The following MTMR7 variants were observed in gnomAD, a reference collection of about 807,000 sequenced individuals.
The protein encoded by MTMR7 is myotubularin related protein 7.
A neutral mutation model predicts 81.2 loss-of-function variants in MTMR7; 76 were observed. The ratio of observed to expected loss-of-function variants is 0.94; its 90% CI spans 0.78 to 1.13. MTMR7 has a LOEUF of 1.13. Among genes scored for constraint, MTMR7 ranks in the 50% most tolerant of loss-of-function variants. The pLI, the probability that MTMR7 is intolerant of heterozygous loss-of-function variation, is 0.00. For missense variants in MTMR7, 1,044 were observed against 820.0 expected (o/e 1.27, Z -3.34); for synonymous variants, 372 against 289.8 (o/e 1.28, Z -2.88).
intron 1 of MTMR7, among the ~76,000 whole-genome samples, chr8:17,410,298 A>G (rs1423357981): frequency 6.6e-6 from 1 of 152,212 alleles, no homozygotes; most frequent in East Asian, 1.9e-4. Flanking sequence ...CAGAAAGACC[A>G]AAGCATATAA....
intron 6 of MTMR7, among the ~76,000 whole-genome samples, chr8:17,335,074 C>A (rs936850643): frequency 5.9e-5 from 9 of 152,154 alleles, no homozygotes; most frequent in Admixed American, 5.2e-4. Context: ...GAGAGCAACT[C>A]CAGGATTTTG....
At chr8:17,309,390 C>T in intron 9 of MTMR7, 64 bp from the exon 10 acceptor site, 1 of 1,127,144 alleles carries the variant, frequency 8.9e-7, no homozygotes, top group Admixed American at 2.0e-5. Flanking sequence ...ACCACACAAC[C>T]AATAATGTTG....
intron 6 of MTMR7, chr8:17,339,080 C>G (rs146868046): frequency 6.6e-6 from 1 of 152,138 alleles, no homozygotes; most frequent in Non-Finnish European, 1.5e-5. Context: ...ATCACCAAGG[C>G]CTGAGTATCC....
chr8:17,302,353 G>C, intron 12 of MTMR7, 73 bp from the exon 13 acceptor site: 11 of 1,502,410 alleles, frequency 7.3e-6, no homozygotes, highest in Non-Finnish European at 9.8e-6. Flanking sequence ...AGTCTTCTAA[G>C]GTATCTATGA....
intron 4 of MTMR7, among the ~76,000 whole-genome samples, chr8:17,353,003 C>A (rs1784908704): frequency 6.6e-6 from 1 of 152,190 alleles, no homozygotes; most frequent in South Asian, 2.1e-4. Context: ...ACAACCATAT[C>A]CGCAGAGCAT....
intron 1 of MTMR7, among the ~76,000 whole-genome samples, chr8:17,408,108 AGG>A (rs1821640380): frequency 1.5e-5 from 1 of 64,590 alleles, no homozygotes; most frequent in Non-Finnish European, 4.9e-5. Flanking sequence ...CATCATGGAG[AGG>A]CCGGGCGCGG....
chr8:17,305,092 C>T (rs2150470152), intron 11 of MTMR7, among the ~76,000 whole-genome samples: 1 of 152,310 alleles, frequency 6.6e-6, no homozygotes, highest in South Asian at 2.1e-4. Context: ...TGGAATCACA[C>T]TTGAGCTTCC....
intron 10 of MTMR7, among the ~76,000 whole-genome samples, chr8:17,308,763 C>T (rs771613275): frequency 2.0e-5 from 3 of 152,238 alleles, no homozygotes; most frequent in East Asian, 1.9e-4. Flanking sequence ...ACAGCCCAGA[C>T]GTCCAAGGCC....
At chr8:17,339,733 T>A (rs933895678) in intron 6 of MTMR7, among the ~76,000 whole-genome samples, 2 of 152,248 alleles carry the variant, frequency 1.3e-5, no homozygotes, top group African/African-American at 4.8e-5. Context: ...TATGTGGACA[T>A]AAGTTTTCAT....
intron 3 of MTMR7, among the ~76,000 whole-genome samples, chr8:17,368,508 A>T (rs1471519694): frequency 6.6e-6 from 1 of 152,242 alleles, no homozygotes; most frequent in Non-Finnish European, 1.5e-5. Context: ...CCTTAAAGGC[A>T]GTGGACGGTG....
chr8:17,382,842 G>C (rs1402789694), intron 1 of MTMR7, among the ~76,000 whole-genome samples: 1 of 152,196 alleles, frequency 6.6e-6, no homozygotes, highest in Admixed American at 6.5e-5. Flanking sequence ...GCACAAAAAT[G>C]AACATTAATA....
At position 17,299,672 on chromosome 8, in the gene MTMR7, A is replaced by C. The variant is rs1816969304; in HGVS notation, c.*190T>G. 1 of 703,966 alleles carries C rather than the reference A, an allele frequency of 1.4e-6. No individual in the cohort carries two copies. The highest frequency in any genetic ancestry group is 1.8e-5 in the African/African-American group (1 of 55,790). 43.6% of individuals were successfully genotyped at this position (703,966 alleles called of 1,614,324 possible). ...GAATAATTTTCCTTATATTTGATAA[A>C]TGAAATGACTACGTCCTCTTCAGTA... is the stretch of plus-strand genomic sequence containing the variant. On this transcript the variant is annotated 3_prime_UTR_variant, in exon 14 of 14. Coordinates refer to ENST00000180173, the MANE Select transcript of MTMR7 (RefSeq NM_004686.5).
chr8:17,322,434 G>C (rs1223118008), intron 7 of MTMR7, among the ~76,000 whole-genome samples: 1 of 152,200 alleles, frequency 6.6e-6, no homozygotes, highest in Non-Finnish European at 1.5e-5. Context: ...CAAATTCACA[G>C]TGTATCATGG....
At chr8:17,327,295 G>A (rs533728185) in intron 7 of MTMR7, among the ~76,000 whole-genome samples, 26 of 152,172 alleles carry the variant, frequency 1.7e-4, no homozygotes, top group African/African-American at 6.3e-4. Context: ...TTGAGACAGA[G>A]CCTAACTCTC....
chr8:17,320,301 C>T (rs891003193), intron 7 of MTMR7, among the ~76,000 whole-genome samples: 6 of 152,140 alleles, frequency 3.9e-5, no homozygotes, highest in Non-Finnish European at 8.8e-5. Flanking sequence ...AGTCTTCAAA[C>T]ATTTTTGCAC....
At chr8:17,398,661 G>A (rs1017503278) in intron 1 of MTMR7, among the ~76,000 whole-genome samples, 2 of 152,066 alleles carry the variant, frequency 1.3e-5, no homozygotes, top group Admixed American at 1.3e-4. Flanking sequence ...CACAAAGAAC[G>A]TCCCAACCTA....
At chr8:17,323,477 C>T (rs1000055281) in intron 7 of MTMR7, among the ~76,000 whole-genome samples, 1 of 152,006 alleles carries the variant, frequency 6.6e-6, no homozygotes, top group Non-Finnish European at 1.5e-5. Flanking sequence ...AAGCAAATGG[C>T]ACAAGAGAAG....
At chr8:17,329,673 G>A (rs556999843) in intron 7 of MTMR7, among the ~76,000 whole-genome samples, 4 of 152,192 alleles carry the variant, frequency 2.6e-5, no homozygotes, top group Non-Finnish European at 5.9e-5. Context: ...CCTGATAAAT[G>A]ATGAACAGTC....
At chr8:17,411,838 C>G (rs973542624) in intron 1 of MTMR7, among the ~76,000 whole-genome samples, 8 of 152,208 alleles carry the variant, frequency 5.3e-5, no homozygotes, top group African/African-American at 1.7e-4. Context: ...AACAAAGTGG[C>G]ATCCACTGCC....
Sources: allele counts gnomAD v4.1 joint callset (sites outside exome capture counted in the v4.1 genomes callset), GRCh38; gene constraint gnomAD v4.1.1; transcripts MANE v1.5; gene names NCBI Gene and HGNC (gene_info 2026-07-23, HGNC 2026-07-21).